Variants in WBP4 observed in about 807,000 individuals in gnomAD.
WBP4 encodes WW domain-binding protein 4.
Under a neutral mutation model 55.4 loss-of-function variants are expected in WBP4, and 37 were observed. That is an observed-to-expected ratio of 0.67 (90% CI 0.51 to 0.88). The LOEUF (loss-of-function observed/expected upper bound fraction) is 0.88. WBP4 is among the 40% of genes least tolerant of loss of function. The pLI, the probability that WBP4 is intolerant of heterozygous loss-of-function variation, is 0.00. For synonymous variants in WBP4, 142 were observed against 140.2 expected (o/e 1.01, Z -0.09); for missense variants, 398 against 420.8 (o/e 0.95, Z 0.47).
chr13:41,075,010 G>C (rs775933923), intron 7 of WBP4, among the ~76,000 whole-genome samples: 5 of 152,092 alleles, frequency 3.3e-5, no homozygotes, highest in Non-Finnish European at 7.4e-5. Flanking sequence ...TTGTTAACTT[G>C]TGTGAAATGT....
At chr13:41,062,899 C>G (rs899295043) in intron 2 of WBP4, among the ~76,000 whole-genome samples, 183 bp downstream of exon 2, 4 of 152,080 alleles carry the variant, frequency 2.6e-5, no homozygotes, top group African/African-American at 9.7e-5. Context: ...TTTTCATCAA[C>G]CTGACTTTGA....
At chr13:41,071,685 C>T (rs1878252891) in intron 6 of WBP4, 112 bp downstream of exon 6, 3 of 920,576 alleles carry the variant, frequency 3.3e-6, no homozygotes, top group Non-Finnish European at 5.0e-6. Flanking sequence ...CCACTCCCTC[C>T]ACCCCCAAAC....
chr13:41,074,332 T>G (rs572076794), intron 7 of WBP4, among the ~76,000 whole-genome samples: 2 of 152,344 alleles, frequency 1.3e-5, no homozygotes, highest in African/African-American at 4.8e-5. Flanking sequence ...AGGCTTGTTT[T>G]TGTTTTTTTA....
chr13:41,074,887 C>T (rs1490030743), intron 7 of WBP4, among the ~76,000 whole-genome samples: 1 of 152,012 alleles, frequency 6.6e-6, no homozygotes, highest in Non-Finnish European at 1.5e-5. Context: ...CCCAGTTACT[C>T]GGGAGGCTGA....
chr13:41,075,836 C>T (rs1878455722), intron 7 of WBP4, among the ~76,000 whole-genome samples: 1 of 152,094 alleles, frequency 6.6e-6, no homozygotes, highest in Non-Finnish European at 1.5e-5. Flanking sequence ...ATAGTTTACA[C>T]ATCTAGTAAA....
intron 4 of WBP4, among the ~76,000 whole-genome samples, chr13:41,067,727 A>C (rs1012118604): frequency 5.3e-5 from 8 of 152,256 alleles, no homozygotes; most frequent in African/African-American, 1.9e-4. Flanking sequence ...ATTGTTGTCC[A>C]TTTTTCTATT....
intron 5 of WBP4, among the ~76,000 whole-genome samples, chr13:41,070,496 G>C (rs1878192100): frequency 6.6e-6 from 1 of 151,868 alleles, no homozygotes; most frequent in African/African-American, 2.4e-5. Context: ...GGAGGGCTGA[G>C]AGAATGATGG....
chr13:41,068,613 G>A lies in WBP4; in HGVS notation c.315G>A (p.Ser105=), dbSNP rs542810673. 5 of 1,612,730 alleles carry A rather than the reference G, an allele frequency of 3.1e-6. No homozygotes were observed. The highest frequency in any genetic ancestry group is 1.7e-4 in the Middle Eastern group (1 of 6,058). ...TAACCAGCACTATCCCACCTACCTC[G>A]ACATCAAATCAACAGAAAGAAAAGA... is the stretch of plus-strand genomic sequence containing the variant. ...TPVTSTIPPT[S]TSNQQKEKKE... Residue 105 remains serine (S), a synonymous_variant, in exon 5 of 10, where the codon TCG becomes TCA. Transcript: ENST00000379487.
At position 41,068,710 on chromosome 13, in the gene WBP4, C is replaced by T; in HGVS notation, c.412C>T (p.His138Tyr). 2 of 1,608,286 alleles carry T rather than the reference C, an allele frequency of 1.2e-6. No homozygotes were observed. The highest frequency in any genetic ancestry group is 1.7e-6 in the Non-Finnish European group (2 of 1,177,930). The stretch of plus-strand genomic sequence containing the variant: ...AGAAGGCATAACCTCTGAGGGTTAC[C>T]ATTACTATTATGATCTTATCTCAGG... ...WVEGITSEGY[H>Y]YYYDLISGAS... Residue 138 changes from histidine to tyrosine, a missense_variant, in exon 5 of 10, where the codon CAT (histidine) becomes TAT (tyrosine). Coordinates refer to ENST00000379487, the MANE Select transcript of WBP4 (RefSeq NM_007187.5).
At position 41,068,715 on chromosome 13, in the gene WBP4, C is replaced by T; in HGVS notation, c.417C>T (p.Tyr139=). 1 of 1,603,918 alleles carries T rather than the reference C, an allele frequency of 6.2e-7. No individual in the cohort carries two copies. Among genetic ancestry groups the T allele is most frequent in the Non-Finnish European group, 8.5e-7 (1 of 1,176,384 alleles). ...VEGITSEGYH[Y]YYDLISGASQ... Reference sequence around the variant, plus strand: ...GCATAACCTCTGAGGGTTACCATTACTATTATGATCTTATCTCAGGAGGTA... The same window carrying T: ...GCATAACCTCTGAGGGTTACCATTATTATTATGATCTTATCTCAGGAGGTA... The change falls in exon 5 of 10, where the codon TAC becomes TAT. Residue 139 remains tyrosine (Y), a synonymous_variant. Coordinates refer to ENST00000379487, the MANE Select transcript of WBP4 (RefSeq NM_007187.5).
rs986828493 is a variant in WBP4 at position 41,082,985 on chromosome 13, T to G, written c.*71T>G. 1.8e-5 allele frequency: 25 copies of G among 1,405,548 alleles called. No homozygotes were observed. The highest frequency in any genetic ancestry group is 6.1e-5 in the Admixed American group (3 of 49,142). The allele number at this position is 1,405,548 out of a possible 1,614,324, so 87.1% of individuals were successfully genotyped here. A position where few individuals can be genotyped will look rare whatever the true frequency, so the allele number is the denominator to read the frequency against. On this transcript the variant is annotated 3_prime_UTR_variant, in exon 10 of 10. Transcript: ENST00000379487. ...TTATACACCCAAAGTTTATCTGTGT[T>G]TGTTTGTAAGTATTATGATGCTAAA...
At chr13:41,076,014 AAT>A in intron 7 of WBP4, 28 bp from the exon 8 acceptor site, 1 of 1,594,956 alleles carries the variant, frequency 6.3e-7, no homozygotes, top group South Asian at 1.1e-5. Context: ...TTAATAACTA[AAT>A]AACATGACTT....
chr13:41,064,940 G>A, intron 2 of WBP4, 76 bp from the exon 3 acceptor site: 2 of 1,301,452 alleles, frequency 1.5e-6, no homozygotes, highest in Non-Finnish European at 2.1e-6. Flanking sequence ...TCATGTTTAT[G>A]AGAAAATTAT....
intron 4 of WBP4, among the ~76,000 whole-genome samples, chr13:41,066,724 A>T (rs556456375): frequency 6.6e-6 from 1 of 152,326 alleles, no homozygotes; most frequent in African/African-American, 2.4e-5. Flanking sequence ...TTCCTGGTTA[A>T]CATTTAGGTT....
chr13:41,062,137 C>A, intron 1 of WBP4: 7 of 242,176 alleles, frequency 2.9e-5, no homozygotes, highest in South Asian at 1.7e-4. Flanking sequence ...CGGCCGTCTA[C>A]GAAGTCCCAT....
intron 2 of WBP4, 131 bp downstream of exon 2, chr13:41,062,847 T>C (rs1387411237): frequency 2.7e-5 from 18 of 669,330 alleles, no homozygotes; most frequent in Non-Finnish European, 4.2e-5. Context: ...TCAGAAGATT[T>C]CTGTCTTCTC....
chr13:41,061,756 C>G lies in WBP4; in HGVS notation c.2+81C>G, dbSNP rs563361934. 25 of 1,600,370 alleles carry G rather than the reference C, an allele frequency of 1.6e-5. No individual in the cohort carries two copies. The African/African-American group carries it at 2.7e-4, about 17-fold the overall frequency. On this transcript the variant is annotated intron_variant, in intron 1 of 9. Transcript: ENST00000379487. ...TCTCGCCCGGGTCTTCCCCTCCTCT[C>G]CTCCCGCCCTTCGGCCGGGGGCGTG... is the stretch of plus-strand genomic sequence containing the variant.
chr13:41,075,418 G>A (rs1414776492), intron 7 of WBP4, among the ~76,000 whole-genome samples: 1 of 152,072 alleles, frequency 6.6e-6, no homozygotes, highest in Non-Finnish European at 1.5e-5. Context: ...GTCTTGCTCT[G>A]TCCCCCAGAC....
intron 7 of WBP4, among the ~76,000 whole-genome samples, chr13:41,074,349 G>T (rs1243796955): frequency 6.6e-5 from 10 of 151,922 alleles, no homozygotes; most frequent in Non-Finnish European, 1.3e-4. Context: ...TTTAATTCCT[G>T]TTATCATTAG....
Sources: gnomAD v4.1 joint callset for allele counts (sites outside exome capture counted in the v4.1 genomes callset) on GRCh38, gnomAD v4.1.1 for gene constraint, MANE v1.5 for transcripts, NCBI Gene and HGNC (gene_info 2026-07-23, HGNC 2026-07-21) for gene names.